ZNF827: variants seen among roughly 807,000 people sequenced by gnomAD.
ZNF827 encodes the protein zinc finger protein 827.
A neutral mutation model predicts 102.4 loss-of-function variants in ZNF827; 13 were observed. That is an observed-to-expected ratio of 0.13 (90% CI 0.08 to 0.20). The LOEUF (loss-of-function observed/expected upper bound fraction) is 0.20. ZNF827 is among the 10% of genes least tolerant of loss of function. The probability of loss-of-function intolerance (pLI) is 1.00; values close to 1 mark genes in which losing one functional copy is unlikely to be tolerated. For missense variants in ZNF827, 1,103 were observed against 1,344.4 expected (o/e 0.82, Z 2.81); for synonymous variants, 523 against 536.2 (o/e 0.98, Z 0.34).
In ZNF827 at chr4:145,789,381, A is replaced by G. The variant is rs533403348; in HGVS notation, c.2384-9870T>C. ...TCTCCATTATGCAAAACAATATCAG[A>G]GTTTGTTAAAAGTATATTAAGGAGA... On this transcript the variant is annotated intron_variant, in intron 8 of 14. Coordinates refer to ENST00000508784, the MANE Select transcript of ZNF827 (RefSeq NM_001306215.2). Among the ~76,000 whole-genome samples, 11 of 152,332 alleles carry G rather than the reference A, an allele frequency of 7.2e-5. No homozygotes were observed. The East Asian group carries it at 1.9e-3, about 27-fold the overall frequency.
chr4:145,771,484 T>C (rs1490791427), intron 11 of ZNF827, among the ~76,000 whole-genome samples: 1 of 152,250 alleles, frequency 6.6e-6, no homozygotes, highest in Non-Finnish European at 1.5e-5. Context: ...GATTCCTCAA[T>C]GCCATTTATT....
chr4:145,819,561 G>A (rs1742943834), intron 8 of ZNF827, among the ~76,000 whole-genome samples: 3 of 152,168 alleles, frequency 2.0e-5, no homozygotes, highest in Admixed American at 1.3e-4. Flanking sequence ...CTTGCACAAA[G>A]TGAAACAACT....
At chr4:145,843,575 T>C (rs1200197447) in intron 7 of ZNF827, among the ~76,000 whole-genome samples, 1 of 152,198 alleles carries the variant, frequency 6.6e-6, no homozygotes, top group African/African-American at 2.4e-5. Context: ...CTAAAGAGCA[T>C]AAAATAATAT....
chr4:145,937,849 C>T (rs1339026590), intron 1 of ZNF827, among the ~76,000 whole-genome samples: 2 of 150,938 alleles, frequency 1.3e-5, no homozygotes, highest in Non-Finnish European at 3.0e-5. Context: ...GGCTGCTGCG[C>T]GCCCTCTCCC....
At position 145,938,567 on chromosome 4, in the gene ZNF827, C is replaced by T; in HGVS notation, c.-160G>A. ...CTCCGGTGTGTGCAATGGGTTGAAG[C>T]TTGTTTCCTGGAGCCAGAAGAGGGG... On this transcript the variant is annotated 5_prime_UTR_variant, in exon 1 of 15. Transcript: ENST00000508784. 2 of 556,734 alleles carry T rather than the reference C, an allele frequency of 3.6e-6. No individual in the cohort carries two copies. The highest frequency in any genetic ancestry group is 2.6e-5 in the South Asian group (1 of 37,958). 34.5% of individuals were successfully genotyped at this position (556,734 alleles called of 1,614,324 possible). A position where few individuals can be genotyped will look rare whatever the true frequency, so the allele number is the denominator to read the frequency against.
At chr4:145,923,600 C>T (rs2126970833) in intron 1 of ZNF827, among the ~76,000 whole-genome samples, 1 of 152,054 alleles carries the variant, frequency 6.6e-6, no homozygotes, top group Admixed American at 6.5e-5. Context: ...GAGACTCCAT[C>T]TCAAAAAAAA....
At chr4:145,817,710 A>C (rs1419111180) in intron 8 of ZNF827, among the ~76,000 whole-genome samples, 1 of 152,210 alleles carries the variant, frequency 6.6e-6, no homozygotes, top group African/African-American at 2.4e-5. Context: ...AAGATGACAG[A>C]ACTTTTAATA....
At chr4:145,836,087 C>T (rs1371694055) in intron 7 of ZNF827, among the ~76,000 whole-genome samples, 1 of 152,028 alleles carries the variant, frequency 6.6e-6, no homozygotes, top group East Asian at 1.9e-4. Context: ...TCAAGCTCAG[C>T]AAATTACCTA....
chr4:145,773,643 GA>G (rs1736614622), intron 11 of ZNF827, among the ~76,000 whole-genome samples: 1 of 152,232 alleles, frequency 6.6e-6, no homozygotes, highest in South Asian at 2.1e-4. Flanking sequence ...ATTGCATGGT[GA>G]AGTCAGAATG....
chr4:145,892,184 T>C (rs10471107), intron 3 of ZNF827, 59 bp downstream of exon 3: 6 of 1,536,942 alleles, frequency 3.9e-6, no homozygotes, highest in East Asian at 2.3e-5. Flanking sequence ...CACCAGACCA[T>C]GTACAGAAGC....
At chr4:145,855,698 G>C (rs965950246) in intron 5 of ZNF827, among the ~76,000 whole-genome samples, 1 of 152,216 alleles carries the variant, frequency 6.6e-6, no homozygotes, top group Non-Finnish European at 1.5e-5. Context: ...GCCAAGGATG[G>C]AGCAGAAAAG....
intron 7 of ZNF827, among the ~76,000 whole-genome samples, chr4:145,840,131 G>A (rs1214478846): frequency 1.3e-5 from 2 of 152,204 alleles, no homozygotes; most frequent in Non-Finnish European, 2.9e-5. Context: ...GTAATTTCAG[G>A]CTCTGTGTGT....
At chr4:145,848,729 C>T (rs1044773173) in intron 6 of ZNF827, among the ~76,000 whole-genome samples, 1 of 152,148 alleles carries the variant, frequency 6.6e-6, no homozygotes, top group African/African-American at 2.4e-5. Flanking sequence ...ACTATTTCAT[C>T]CAGACACCTC....
chr4:145,795,628 T>C (rs901835405), intron 8 of ZNF827, among the ~76,000 whole-genome samples: 1 of 152,236 alleles, frequency 6.6e-6, no homozygotes, highest in African/African-American at 2.4e-5. Context: ...TTCCTCTGTG[T>C]TGGATCTCAC....
chr4:145,836,465 G>T (rs899864344), intron 7 of ZNF827, among the ~76,000 whole-genome samples: 13 of 152,268 alleles, frequency 8.5e-5, no homozygotes, highest in African/African-American at 3.1e-4. Context: ...ACTCTCTACA[G>T]TTCTCATAAC....
intron 5 of ZNF827, among the ~76,000 whole-genome samples, chr4:145,859,452 C>T (rs546834789): frequency 2.6e-5 from 4 of 152,214 alleles, no homozygotes; most frequent in South Asian, 4.2e-4. Context: ...TGATAGGGTA[C>T]GGTCCCTAGT....
At chr4:145,848,584 C>T (rs556607701) in intron 6 of ZNF827, among the ~76,000 whole-genome samples, 197 of 152,080 alleles carry the variant, frequency 1.3e-3, no homozygotes, top group Non-Finnish European at 2.1e-3. Context: ...TATTTCTATC[C>T]GAATCTTATA....
chr4:145,877,958 G>C (rs1749291630), intron 4 of ZNF827, among the ~76,000 whole-genome samples: 1 of 152,192 alleles, frequency 6.6e-6, no homozygotes, highest in Non-Finnish European at 1.5e-5. Context: ...CAATGGAGTG[G>C]TTTGCCTGGA....
chr4:145,859,291 T>C (rs984645351), intron 5 of ZNF827, among the ~76,000 whole-genome samples: 2 of 152,036 alleles, frequency 1.3e-5, no homozygotes, highest in Non-Finnish European at 2.9e-5. Context: ...AGCAGCTCAA[T>C]AAATATCTGC....
Sources: allele counts gnomAD v4.1 joint callset (sites outside exome capture counted in the v4.1 genomes callset), GRCh38; gene constraint gnomAD v4.1.1; transcripts MANE v1.5; gene names NCBI Gene and HGNC (gene_info 2026-07-23, HGNC 2026-07-21).